KLRG1: variants seen among roughly 807,000 people sequenced by gnomAD.
KLRG1 encodes the protein killer cell lectin like receptor G1, also known as killer cell lectin-like receptor subfamily G member 1.
KLRG1 carries 16 observed loss-of-function variants against 21.8 expected under a neutral mutation model. That is an observed-to-expected ratio of 0.73 (90% confidence interval 0.50 to 1.11). The LOEUF is 1.11. Ranked by LOEUF, KLRG1 falls within the 50% of genes most tolerant of loss-of-function variation. KLRG1 has a pLI of 0.00. For synonymous variants in KLRG1, 69 were observed against 75.9 expected, an observed-to-expected ratio of 0.91 and a Z score of 0.47; for missense variants, 173 against 218.3, an observed-to-expected ratio of 0.79 and a Z score of 1.31.
At chr12:9,128,738 A>T in the KLRG1 span, 1 of 152,164 alleles carries the variant, frequency 6.6e-6, no homozygotes, top group Non-Finnish European at 1.5e-5. Flanking sequence ...TCTTCCCCTT[A>T]CCTGCTAATA....
chr12:9,072,591 C>T, the KLRG1 span: 1 of 1,599,544 alleles, frequency 6.3e-7, no homozygotes. Flanking sequence ...TGAGTTAGGA[C>T]TTCTCAGAGA....
chr12:8,970,544 C>G (rs1337650932), intron 1 of KLRG1: 2 of 152,178 alleles, frequency 1.3e-5, no homozygotes, highest in African/African-American at 4.8e-5. Flanking sequence ...CCACTTCTTC[C>G]TTTTCATCTT....
At chr12:8,968,007 C>T (rs1946506561) in intron 1 of KLRG1, among the ~76,000 whole-genome samples, 2 of 150,920 alleles carry the variant, frequency 1.3e-5, no homozygotes, top group Admixed American at 1.3e-4. Flanking sequence ...GGGAATAAAT[C>T]AAGAAAGGGA....
chr12:9,039,909 T>G, the KLRG1 span, among the ~76,000 whole-genome samples: 1 of 152,214 alleles, frequency 6.6e-6, no homozygotes, highest in East Asian at 1.9e-4. Flanking sequence ...GCGCAATGCA[T>G]TCAGGTTATT....
the KLRG1 span, chr12:9,093,479 A>G: frequency 6.2e-7 from 1 of 1,613,240 alleles, no homozygotes; most frequent in Non-Finnish European, 8.5e-7. Flanking sequence ...CCACCACCAA[A>G]TCCCAGATCC....
the KLRG1 span, among the ~76,000 whole-genome samples, chr12:9,211,517 A>G: frequency 2.0e-5 from 3 of 151,858 alleles, no homozygotes; most frequent in Non-Finnish European, 1.5e-5. Flanking sequence ...TTAGTTGTCT[A>G]TCTGTGTTTT....
chr12:9,157,840 C>G, the KLRG1 span: 2 of 1,612,386 alleles, frequency 1.2e-6, no homozygotes, highest in Non-Finnish European at 1.7e-6. Context: ...TTCTACACCT[C>G]CCTGTGAATA....
At chr12:9,199,091 A>G in the KLRG1 span, among the ~76,000 whole-genome samples, 1 of 152,218 alleles carries the variant, frequency 6.6e-6, no homozygotes, top group African/African-American at 2.4e-5. Flanking sequence ...ACTGCTTAAG[A>G]GATGGAGGCA....
At position 8,989,643 on chromosome 12, in the gene KLRG1, A is replaced by G; in HGVS notation, c.8A>G (p.Asp3Gly). The change falls in exon 1 of 5, where the codon GAC becomes GGC. Residue 3 changes from aspartate (D) to glycine (G), a missense_variant. Transcript: ENST00000356986. MTDSVIYSMLELP... is the reference protein window; with the variant it reads MTGSVIYSMLELP... ...GAAAGATCTTAGCTGAAGATGACTG[A>G]CAGTGTTATTTATTCCATGTTAGAG... 1 of 1,602,334 alleles carries G rather than the reference A, an allele frequency of 6.2e-7. No individual in the cohort carries two copies. Among genetic ancestry groups the G allele is most frequent in the Non-Finnish European group, 8.5e-7 (1 of 1,170,666 alleles).
At chr12:9,162,205 TC>T in the KLRG1 span, 1 of 161,810 alleles carries the variant, frequency 6.2e-6, no homozygotes. Context: ...CAAGTCATCC[TC>T]CCGCCTCAGC....
chr12:9,024,104 T>C, the KLRG1 span, among the ~76,000 whole-genome samples: 1 of 137,466 alleles, frequency 7.3e-6, no homozygotes, highest in Non-Finnish European at 1.5e-5. Context: ...CTCAGCTTAC[T>C]GCAACCTCCT....
chr12:9,111,661 G>C, the KLRG1 span: 1 of 393,690 alleles, frequency 2.5e-6, no homozygotes, highest in Non-Finnish European at 4.9e-6. Flanking sequence ...ATGTGAAGAA[G>C]TTAATTTGGG....
chr12:9,208,459 G>A, the KLRG1 span: 2 of 723,800 alleles, frequency 2.8e-6, no homozygotes, highest in Non-Finnish European at 4.9e-6. Context: ...CCACCCCAAG[G>A]CCTCTGAATA....
At chr12:9,084,550 A>G in the KLRG1 span, among the ~76,000 whole-genome samples, 1 of 151,844 alleles carries the variant, frequency 6.6e-6, no homozygotes, top group African/African-American at 2.4e-5. Context: ...AGCACAGAAC[A>G]AAAATTTTAA....
the KLRG1 span, among the ~76,000 whole-genome samples, chr12:9,148,338 A>G: frequency 6.6e-6 from 1 of 152,086 alleles, no homozygotes; most frequent in African/African-American, 2.4e-5. Context: ...CTCCCCTTTT[A>G]TTCTTTGAAG....
chr12:9,115,365 A>T, the KLRG1 span: 1 of 162,184 alleles, frequency 6.2e-6, no homozygotes. Flanking sequence ...AGATTTTTAT[A>T]CTCCAGGGCA....
intron 3 of KLRG1, chr12:8,996,620 AC>A (rs1947138815): frequency 6.6e-6 from 1 of 152,218 alleles, no homozygotes; most frequent in Admixed American, 6.5e-5. Flanking sequence ...CCAAAGGAAC[AC>A]TTACTCCTTT....
the KLRG1 span, chr12:9,163,991 T>A: frequency 3.2e-6 from 4 of 1,248,324 alleles, no homozygotes; most frequent in East Asian, 7.3e-5. Context: ...TGGGAGGAGG[T>A]CATAGTGGAT....
chr12:8,993,644 G>C (rs376021343), intron 2 of KLRG1, among the ~76,000 whole-genome samples: 1 of 152,036 alleles, frequency 6.6e-6, no homozygotes, highest in South Asian at 2.1e-4. Flanking sequence ...AGCCAAGTCC[G>C]ACCTTTGACA....
Sources: allele counts gnomAD v4.1 joint callset (sites outside exome capture counted in the v4.1 genomes callset), GRCh38; gene constraint gnomAD v4.1.1; transcripts MANE v1.5; gene names NCBI Gene and HGNC (gene_info 2026-07-23, HGNC 2026-07-21).